Variants in TET1 observed in about 807,000 individuals in gnomAD.
TET1 encodes the protein tet methylcytosine dioxygenase 1.
Under a neutral mutation model 148.7 loss-of-function variants are expected in TET1, and 13 were observed. That is an observed-to-expected ratio of 0.09 (90% CI 0.06 to 0.14). The LOEUF (loss-of-function observed/expected upper bound fraction) is 0.14. Ranked by LOEUF, TET1 falls within the 10% of genes least tolerant of loss-of-function variation. The pLI is 1.00. For missense variants in TET1, 2,182 were observed against 2,553.8 expected (o/e 0.85, Z 3.14); for synonymous variants, 907 against 937.2 (o/e 0.97, Z 0.59).
At chr10:68,591,540 CG>C (rs1381135968) in intron 2 of TET1, among the ~76,000 whole-genome samples, 4 of 152,034 alleles carry the variant, frequency 2.6e-5, no homozygotes, top group African/African-American at 4.8e-5. Flanking sequence ...GTGTGAGACT[CG>C]AGTAAATGAA....
chr10:68,631,650 C>G (rs2054573707), intron 3 of TET1, among the ~76,000 whole-genome samples: 4 of 151,838 alleles, frequency 2.6e-5, no homozygotes, highest in Admixed American at 2.6e-4. Flanking sequence ...TTACAGATCT[C>G]CAAACTTTGG....
intron 8 of TET1, among the ~76,000 whole-genome samples, chr10:68,673,915 T>A (rs983063079): frequency 6.0e-5 from 9 of 151,232 alleles, no homozygotes; most frequent in African/African-American, 9.7e-5. Flanking sequence ...ATCATTTTTT[T>A]ATCAGATTTC....
In TET1 at chr10:68,669,489, T is replaced by TG. The variant is rs1265714260; in HGVS notation, c.4673+2233_4673+2234insG. Among the ~76,000 whole-genome samples, 184 of 138,274 alleles carry TG rather than the reference T, an allele frequency of 1.3e-3. 2 individuals carry two copies. The highest frequency in any genetic ancestry group is 4.2e-3 in the Middle Eastern group (1 of 238). 90.7% of individuals were successfully genotyped at this position (138,274 alleles called of 152,430 possible). A position where few individuals can be genotyped will look rare whatever the true frequency, so the allele number is the denominator to read the frequency against. ...CCATGCCCAGCTTTTTTTTTTTTTT[T>TG]TTTGTATTTTTTTGTATTTTTTGGG... On this transcript the variant is annotated intron_variant, in intron 7 of 11. Coordinates refer to ENST00000373644, the MANE Select transcript of TET1 (RefSeq NM_030625.3).
chr10:68,650,395 C>A (rs1589111988), intron 4 of TET1, among the ~76,000 whole-genome samples: 1 of 151,848 alleles, frequency 6.6e-6, no homozygotes, highest in African/African-American at 2.4e-5. Context: ...GTAATCCCAG[C>A]ACTTTGGGAG....
At chr10:68,589,803 C>T (rs1410609453) in intron 2 of TET1, among the ~76,000 whole-genome samples, 5 of 151,110 alleles carry the variant, frequency 3.3e-5, no homozygotes, top group Non-Finnish European at 5.9e-5. Flanking sequence ...TCCCAAGTAG[C>T]GGGGACTACA....
intron 8 of TET1, among the ~76,000 whole-genome samples, chr10:68,678,322 T>C (rs2055391581): frequency 2.6e-5 from 4 of 152,300 alleles, no homozygotes; most frequent in African/African-American, 9.6e-5. Context: ...TTTAGATATA[T>C]TGGTATTGAG....
chr10:68,560,832 C>T (rs1271120929), intron 1 of TET1, 90 bp downstream of exon 1: 1 of 152,710 alleles, frequency 6.5e-6, no homozygotes, highest in Non-Finnish European at 1.5e-5. Context: ...CGGCGCTCGG[C>T]GCGGGCTGGA....
At chr10:68,654,699 C>T (rs2133126171) in intron 6 of TET1, among the ~76,000 whole-genome samples, 1 of 152,248 alleles carries the variant, frequency 6.6e-6, no homozygotes, top group Non-Finnish European at 1.5e-5. Context: ...ATTTTGTAGG[C>T]CATAGTGAGG....
chr10:68,669,530 A>AT (rs1256595110), intron 7 of TET1, among the ~76,000 whole-genome samples: 7 of 54,342 alleles, frequency 1.3e-4, no homozygotes, highest in Admixed American at 2.3e-4. Flanking sequence ...TTTTTTTTGT[A>AT]TTTTTAGTAG....
At position 68,678,045 on chromosome 10, in the gene TET1, G is replaced by A. The variant is rs192988024; in HGVS notation, c.4825-3354G>A. ...CAAAGTCCTGGGATTACAGGCGTGAGCCACCACGCCCAGCCAGAATCAAAG... is the reference window on the plus strand; with the variant it reads ...CAAAGTCCTGGGATTACAGGCGTGAACCACCACGCCCAGCCAGAATCAAAG... On this transcript the variant is annotated intron_variant, in intron 8 of 11. Transcript: ENST00000373644. 2.1e-3 allele frequency among the ~76,000 whole-genome samples: 327 copies of A among 152,356 alleles called. 4 individuals are homozygous for A. The highest frequency in any genetic ancestry group is 7.4e-3 in the African/African-American group (308 of 41,586).
At chr10:68,660,489 C>G (rs1199971711) in intron 6 of TET1, among the ~76,000 whole-genome samples, 1 of 151,408 alleles carries the variant, frequency 6.6e-6, no homozygotes, top group Non-Finnish European at 1.5e-5. Flanking sequence ...ACAGGTGTCC[C>G]CCAGCCAAGC....
chr10:68,627,236 C>T (rs1004952210), intron 3 of TET1, among the ~76,000 whole-genome samples: 2 of 152,014 alleles, frequency 1.3e-5, no homozygotes, highest in Admixed American at 6.6e-5. Context: ...GGTAAAACCC[C>T]GTCTCTACTA....
In TET1 at chr10:68,596,094, A is replaced by T. The variant is rs2053986429; in HGVS notation, c.1915-4887A>T. On this transcript the variant is annotated intron_variant, in intron 2 of 11. Transcript: ENST00000373644. ...CTTCCTGTTGCCCAGGCTGCAGTGC[A>T]GTGGCGCAATCTCAGCTCACTACAA... Among the ~76,000 whole-genome samples, 5 of 143,518 alleles carry T rather than the reference A, an allele frequency of 3.5e-5. No homozygotes were observed. The South Asian group carries it at 9.0e-4, about 26-fold the overall frequency. 94.2% of individuals were successfully genotyped at this position (143,518 alleles called of 152,430 possible). A position where few individuals can be genotyped will look rare whatever the true frequency, so the allele number is the denominator to read the frequency against.
chr10:68,689,939 T>C (rs2055567767), intron 11 of TET1, among the ~76,000 whole-genome samples: 1 of 152,186 alleles, frequency 6.6e-6, no homozygotes, highest in Non-Finnish European at 1.5e-5. Context: ...GCTGAAATAC[T>C]CTTGCTTTTG....
chr10:68,582,547 T>G (rs1410279126), intron 2 of TET1, among the ~76,000 whole-genome samples: 1 of 152,216 alleles, frequency 6.6e-6, no homozygotes, highest in Admixed American at 6.5e-5. Flanking sequence ...ATGATACAAA[T>G]TGAACGACTG....
Position 68,679,152 on chromosome 10 carries a change from C to T in TET1, c.4825-2247C>T, listed in dbSNP as rs575969215. 3.9e-5 allele frequency among the ~76,000 whole-genome samples: 6 copies of T among 152,206 alleles called. No individual in the cohort carries two copies. In the South Asian group the frequency reaches 1.0e-3, roughly 26 times the overall value. ...AGATTGTGCCGCTGCACTCACACTC[C>T]GGCCTGGGCAACAGAGTGAAACTCT... On this transcript the variant is annotated intron_variant, in intron 8 of 11. Coordinates refer to ENST00000373644, the MANE Select transcript of TET1 (RefSeq NM_030625.3).
chr10:68,565,464 T>TAAAA (rs199760806), intron 1 of TET1, among the ~76,000 whole-genome samples: 1,724 of 107,852 alleles, frequency 0.016, 58 homozygotes, highest in African/African-American at 0.053. Context: ...AGACCCTGTT[T>TAAAA]AAAAAAAAAA....
chr10:68,659,359 G>C (rs747506289), intron 6 of TET1, among the ~76,000 whole-genome samples: 1 of 152,110 alleles, frequency 6.6e-6, no homozygotes. Flanking sequence ...ATGAAGTCTT[G>C]CTCTGTTGCC....
At chr10:68,580,802 AAAAAT>A (rs1184817854) in intron 2 of TET1, among the ~76,000 whole-genome samples, 27 of 121,534 alleles carry the variant, frequency 2.2e-4, no homozygotes, top group African/African-American at 7.9e-4. Context: ...AAAAAAAAAA[AAAAAT>A]ATATATATAT....
Sources: allele counts gnomAD v4.1 joint callset (sites outside exome capture counted in the v4.1 genomes callset), GRCh38; gene constraint gnomAD v4.1.1; transcripts MANE v1.5; gene names NCBI Gene and HGNC (gene_info 2026-07-23, HGNC 2026-07-21).